The following RAP1GAP variants were observed in gnomAD, a reference collection of about 807,000 sequenced individuals.
RAP1GAP encodes RAP1 GTPase activating protein.
A neutral mutation model predicts 87.2 loss-of-function variants in RAP1GAP; 35 were observed. The ratio of observed to expected loss-of-function variants is 0.40; its 90% CI spans 0.31 to 0.53. The LOEUF is 0.53. Among genes scored for constraint, RAP1GAP ranks in the 20% least tolerant of loss-of-function variants. RAP1GAP has a pLI of 0.48. For missense variants in RAP1GAP, 734 were observed against 898.9 expected (o/e 0.82, Z 2.35); for synonymous variants, 375 against 363.9 (o/e 1.03, Z -0.35).
chr1:21,662,920 A>C (rs2097202345), intron 1 of RAP1GAP, among the ~76,000 whole-genome samples: 1 of 152,176 alleles, frequency 6.6e-6, no homozygotes, highest in Non-Finnish European at 1.5e-5. Context: ...AGCACACTGC[A>C]AGTGCTCAAT....
chr1:21,651,908 G>GC, intron 1 of RAP1GAP: 2 of 948,704 alleles, frequency 2.1e-6, no homozygotes, highest in Non-Finnish European at 2.5e-6. Context: ...CGGCCGCCCC[G>GC]CCCCCGCCCC....
At chr1:21,616,897 C>T (rs2082519753) in intron 7 of RAP1GAP, among the ~76,000 whole-genome samples, 2 of 152,208 alleles carry the variant, frequency 1.3e-5, no homozygotes. Context: ...CTGTAAAGAC[C>T]TTACAGATAT....
Position 21,619,008 on chromosome 1 carries a change from C to CT in RAP1GAP, c.66+16dup. The CT allele has an allele frequency of 1.3e-6, 2 of 1,590,290 alleles. No individual in the cohort carries two copies. Among genetic ancestry groups the CT allele is most frequent in the Non-Finnish European group, 1.7e-6 (2 of 1,166,728 alleles). ...TCCACCCCCTAGAGAGGGAGGCAGA[C>CT]TGCCAGGCCCACCTACTTTGAGGGG... On this transcript the variant is annotated intron_variant, in intron 5 of 24. Coordinates refer to ENST00000374765, the MANE Select transcript of RAP1GAP (RefSeq NM_002885.4).
At chr1:21,651,440 A>T (rs1455949466) in intron 1 of RAP1GAP, 2 of 582,732 alleles carry the variant, frequency 3.4e-6, no homozygotes, top group African/African-American at 1.9e-5. Context: ...ACACGCGCGC[A>T]CACACAGGCG....
chr1:21,645,443 G>A (rs1000830265), intron 2 of RAP1GAP, among the ~76,000 whole-genome samples: 17 of 152,076 alleles, frequency 1.1e-4, no homozygotes, highest in African/African-American at 3.6e-4. Flanking sequence ...TTGCCCCACT[G>A]CACTCCAGCA....
At position 21,656,437 on chromosome 1, in the gene RAP1GAP, A is replaced by C. The variant is rs879857088; in HGVS notation, c.-148-6641T>G. ...CCATCTAAAAAAAAAAAAAAAAAAA[A>C]AAAAAAAAAAAAAAAAAGACCTAAC... On this transcript the variant is annotated intron_variant, in intron 1 of 24. Coordinates refer to ENST00000374765, the MANE Select transcript of RAP1GAP (RefSeq NM_002885.4). Among the ~76,000 whole-genome samples the C allele has an allele frequency of 2.5e-3, 351 of 139,718 alleles. 6 individuals carry two copies. Among genetic ancestry groups the C allele is most frequent in the Middle Eastern group, 0.015 (4 of 274 alleles). 91.7% of individuals were successfully genotyped at this position (139,718 alleles called of 152,430 possible). A position where few individuals can be genotyped will look rare whatever the true frequency, so the allele number is the denominator to read the frequency against.
chr1:21,625,350 A>C (rs927934152), intron 3 of RAP1GAP, among the ~76,000 whole-genome samples: 5 of 152,188 alleles, frequency 3.3e-5, no homozygotes, highest in Non-Finnish European at 5.9e-5. Flanking sequence ...AATGCCTACT[A>C]CCCAAGGTTT....
At chr1:21,660,009 C>T (rs1285025914) in intron 1 of RAP1GAP, among the ~76,000 whole-genome samples, 1 of 152,022 alleles carries the variant, frequency 6.6e-6, no homozygotes, top group African/African-American at 2.4e-5. Context: ...GGAAAAAGTC[C>T]TTCCAACAGT....
chr1:21,652,586 C>A (rs1326564815), intron 1 of RAP1GAP, among the ~76,000 whole-genome samples: 2 of 152,068 alleles, frequency 1.3e-5, no homozygotes, highest in Non-Finnish European at 2.9e-5. Flanking sequence ...GTGGAGACGC[C>A]CCCCTCCACT....
chr1:21,598,456 A>G lies in RAP1GAP; in HGVS notation c.1823T>C (p.Ile608Thr), dbSNP rs765013706. The G allele has an allele frequency of 6.2e-7, 1 of 1,613,994 alleles. No homozygotes were observed. The highest frequency in any genetic ancestry group is 8.5e-7 in the Non-Finnish European group (1 of 1,179,934). ...SGTPHKRDSF[I>T]YSTWLEDSVS... ...ACTGTCCTCCAGCCACGTGCTATAG[A>G]TGAAGGAGTCCCGCTTGTGGGGTGT... is the stretch of plus-strand genomic sequence containing the variant. Residue 608 changes from isoleucine to threonine, a missense_variant, in exon 22 of 25, where the codon ATC (isoleucine) becomes ACC (threonine). Physicochemically the swap from Ile to Thr is moderately conservative, Grantham distance 89. Around this residue, in one of 2 missense-constraint regions of RAP1GAP, gnomAD observed 249 missense variants for 252.7 expected, o/e 0.99. Coordinates refer to ENST00000374765, the MANE Select transcript of RAP1GAP (RefSeq NM_002885.4).
chr1:21,604,101 A>G (rs188722072), intron 18 of RAP1GAP, among the ~76,000 whole-genome samples: 151 of 152,184 alleles, frequency 9.9e-4, no homozygotes, highest in African/African-American at 3.5e-3. Flanking sequence ...GGCGAGAAGC[A>G]CAAGGAGAGA....
At position 21,613,903 on chromosome 1, in the gene RAP1GAP, G is replaced by T; in HGVS notation, c.395+83C>A. The T allele has an allele frequency of 7.7e-7, 1 of 1,295,436 alleles. No individual in the cohort carries two copies. Among genetic ancestry groups the T allele is most frequent in the Non-Finnish European group, 1.1e-6 (1 of 920,782 alleles). The allele number at this position is 1,295,436 out of a possible 1,614,324, so 80.2% of individuals were successfully genotyped here. ...CTGCCCCTCTATGGGCCTTGATGAA[G>T]AGAGTGGGTCAAATGAGATGGGCTC... On this transcript the variant is annotated intron_variant, in intron 8 of 24. Transcript: ENST00000374765. The surrounding 1 kb of genome is among the most constrained non-coding windows in gnomAD (Gnocchi z 4.7).
At chr1:21,617,622 G>T in intron 6 of RAP1GAP, 131 bp from the exon 7 acceptor site, 1 of 1,104,220 alleles carries the variant, frequency 9.1e-7, no homozygotes, top group Non-Finnish European at 1.3e-6. Context: ...CAGAGCCTGT[G>T]TGGGCCCCAG....
intron 2 of RAP1GAP, among the ~76,000 whole-genome samples, chr1:21,641,975 C>G (rs1233991938): frequency 1.3e-5 from 2 of 152,232 alleles, no homozygotes; most frequent in African/African-American, 4.8e-5. Context: ...CCGGCCGGCC[C>G]TTTAAAAGCA....
intron 2 of RAP1GAP, among the ~76,000 whole-genome samples, chr1:21,649,060 C>T (rs1433437330): frequency 6.6e-6 from 1 of 152,188 alleles, no homozygotes; most frequent in Admixed American, 6.5e-5. Flanking sequence ...GAGCAGCCAG[C>T]CAGGCCCACG....
chr1:21,598,777 T>C (rs954177825), intron 21 of RAP1GAP, among the ~76,000 whole-genome samples: 1 of 152,346 alleles, frequency 6.6e-6, no homozygotes, highest in Non-Finnish European at 1.5e-5. Context: ...AAATCAGGCA[T>C]GGGCCCTGCC....
rs752217638 is a variant in RAP1GAP, at chr1:21,634,708, C to T, written c.-112-8311G>A. The T allele has an allele frequency of 6.1e-5, 25 of 406,706 alleles. No individual in the cohort carries two copies. The highest frequency in any genetic ancestry group is 2.5e-4 in the South Asian group (14 of 56,928). The allele number at this position is 406,706 out of a possible 1,614,324, so 25.2% of individuals were successfully genotyped here. A position where few individuals can be genotyped will look rare whatever the true frequency, so the allele number is the denominator to read the frequency against. On this transcript the variant is annotated intron_variant, in intron 2 of 24. Transcript: ENST00000374765. This position sits in a 1 kb window ranked among gnomAD's most constrained non-coding sequence, Gnocchi z 4.1. ...GGTTGGCAGCCTAGAGAGGTGGTCA[C>T]GGGACCGGTCCCTGCCCAGGGCACA...
intron 1 of RAP1GAP, among the ~76,000 whole-genome samples, chr1:21,660,339 C>CCATATATATATATATATATATATATATA (rs1553503814): frequency 1.9e-5 from 1 of 52,850 alleles, no homozygotes; most frequent in African/African-American, 5.5e-5. Context: ...TCCAACTCAG[C>CCATATATATATATATATATATATATATA]TATATATATT....
chr1:21,608,381 AC>A, intron 16 of RAP1GAP, 31 bp from the exon 17 acceptor site: 2 of 1,601,204 alleles, frequency 1.2e-6, no homozygotes, highest in Non-Finnish European at 8.5e-7. Context: ...GTCAGGAGGG[AC>A]CCCAAGGATC....
Sources: allele counts gnomAD v4.1 joint callset (sites outside exome capture counted in the v4.1 genomes callset), GRCh38; gene constraint gnomAD v4.1.1; regional missense constraint gnomAD v4.1.1; non-coding constraint Gnocchi (gnomAD v3.1); transcripts MANE v1.5; gene names NCBI Gene and HGNC (gene_info 2026-07-23, HGNC 2026-07-21).